RBM45: variants seen among roughly 807,000 people sequenced by gnomAD.
RBM45 encodes the protein RNA binding motif protein 45.
Under a neutral mutation model 58.5 loss-of-function variants are expected in RBM45, and 39 were observed. That is an observed-to-expected ratio of 0.67 (90% CI 0.52 to 0.87). The LOEUF is 0.87. Among genes scored for constraint, RBM45 ranks in the 40% least tolerant of loss-of-function variants. RBM45 has a pLI of 0.00. For missense variants in RBM45, 481 were observed against 581.6 expected, an observed-to-expected ratio of 0.83 and a Z score of 1.78; for synonymous variants, 193 against 203.0, an observed-to-expected ratio of 0.95 and a Z score of 0.42.
downstream of RBM45, among the ~76,000 whole-genome samples, chr2:178,130,289 G>A (rs908570003): frequency 6.6e-6 from 1 of 152,164 alleles, no homozygotes; most frequent in African/African-American, 2.4e-5. Flanking sequence ...AGGAGGCCAA[G>A]GTGGGAGGAT....
chr2:178,124,796 A>C (rs1381191165), intron 8 of RBM45, among the ~76,000 whole-genome samples: 1 of 152,176 alleles, frequency 6.6e-6, no homozygotes, highest in Non-Finnish European at 1.5e-5. Flanking sequence ...CCTGGGTGAC[A>C]GAGTGAGACC....
At chr2:178,132,976 G>A (rs2088016603), downstream of RBM45, among the ~76,000 whole-genome samples, 1 of 152,174 alleles carries the variant, frequency 6.6e-6, no homozygotes, top group South Asian at 2.1e-4. Context: ...CAGGTTTGGG[G>A]TGAGTTTTTG....
chr2:178,134,614 A>G (rs2088030499), downstream of RBM45, among the ~76,000 whole-genome samples: 1 of 151,950 alleles, frequency 6.6e-6, no homozygotes, highest in South Asian at 2.1e-4. Flanking sequence ...AATTAAAGTC[A>G]TCTACTTTAA....
chr2:178,128,299 C>T (rs2087961497), intron 9 of RBM45, among the ~76,000 whole-genome samples: 1 of 152,014 alleles, frequency 6.6e-6, no homozygotes, highest in South Asian at 2.1e-4. Context: ...TGCGACTGAC[C>T]CTCTTTGCCT....
intron 3 of RBM45, among the ~76,000 whole-genome samples, chr2:178,118,536 A>G (rs1054948994): frequency 2.6e-5 from 4 of 151,414 alleles, no homozygotes; most frequent in Non-Finnish European, 4.4e-5. Context: ...ATATTTGTTT[A>G]TATTTGATCT....
rs745941279 is a variant in RBM45 at position 178,124,232 on chromosome 2, CTTT to C, written c.1177_1179del (p.Phe393del). The C allele has an allele frequency of 6.2e-7, 1 of 1,606,092 alleles. No individual in the cohort carries two copies. The highest frequency in any genetic ancestry group is 8.5e-7 in the Non-Finnish European group (1 of 1,175,272). ...TGCTGAAACTCCTGTGAAAGAAAGA[CTTT>C]TTATTGTGTTTAATCCTCATCCTTT... On this transcript the variant is annotated inframe_deletion, in exon 8 of 10. Coordinates refer to ENST00000286070, the MANE Select transcript of RBM45 (RefSeq NM_152945.4).
At chr2:178,124,783 C>T (rs962174879) in intron 8 of RBM45, among the ~76,000 whole-genome samples, 13 of 152,170 alleles carry the variant, frequency 8.5e-5, no homozygotes, top group African/African-American at 2.9e-4. Context: ...TACTGTACTC[C>T]AGCCTGGGTG....
At chr2:178,138,285 A>G (rs558551344) in exon 4 of RBM45, 52 of 152,278 alleles carry the variant, frequency 3.4e-4, no homozygotes, top group African/African-American at 1.3e-3. Flanking sequence ...ATAAGTTAGG[A>G]TGAACAAAAA....
At chr2:178,127,324 T>G (rs1411989760) in intron 9 of RBM45, among the ~76,000 whole-genome samples, 2 of 152,232 alleles carry the variant, frequency 1.3e-5, no homozygotes, top group Non-Finnish European at 2.9e-5. Flanking sequence ...ATAGGTCAAA[T>G]GTAGTAGATG....
chr2:178,119,186 A>C (rs752127165), intron 3 of RBM45, among the ~76,000 whole-genome samples: 7 of 152,190 alleles, frequency 4.6e-5, no homozygotes, highest in Non-Finnish European at 1.0e-4. Flanking sequence ...CTCTCTATAA[A>C]AGTAAATGCC....
At chr2:178,116,138 TC>T in intron 1 of RBM45, 123 bp from the exon 2 acceptor site, 3 of 1,264,510 alleles carry the variant, frequency 2.4e-6, no homozygotes, top group Non-Finnish European at 2.1e-6. Flanking sequence ...CTTTTTTTTT[TC>T]TTTGAGACCC....
At chr2:178,132,248 A>G (rs533793711), downstream of RBM45, among the ~76,000 whole-genome samples, 7 of 152,324 alleles carry the variant, frequency 4.6e-5, no homozygotes, top group South Asian at 1.2e-3. Context: ...GTTCCAAACT[A>G]TGTTCCTTGA....
intron 8 of RBM45, 107 bp from the exon 9 acceptor site, chr2:178,125,877 G>A: frequency 1.3e-6 from 1 of 792,014 alleles, no homozygotes; most frequent in Non-Finnish European, 2.2e-6. Flanking sequence ...TTGGATGTTG[G>A]ATCTGGGGAG....
At chr2:178,134,285 CA>C (rs1280384432), downstream of RBM45, among the ~76,000 whole-genome samples, 1 of 152,090 alleles carries the variant, frequency 6.6e-6, no homozygotes, top group Non-Finnish European at 1.5e-5. Context: ...ATATGAGGTA[CA>C]AAACTCAAGA....
chr2:178,124,199 A>T lies in RBM45; in HGVS notation c.1141A>T (p.Lys381Ter), dbSNP rs755827939. The T allele has an allele frequency of 3.7e-6, 6 of 1,611,990 alleles. No homozygotes were observed. The highest frequency in any genetic ancestry group is 4.2e-6 in the Non-Finnish European group (5 of 1,179,358). Residue 381 changes from lysine (K) to a stop codon, truncating the protein, a stop_gained, in exon 8 of 10, where the codon AAA (lysine) becomes TAA (stop). Coordinates refer to ENST00000286070, the MANE Select transcript of RBM45 (RefSeq NM_152945.4). LOFTEE classifies it high-confidence loss of function. Reference sequence around the variant, plus strand: ...TGTTGTACTTCCATCATGCAAAAAAAAAGCTCCTGCTGAAACTCCTGTGAA... The same window carrying T: ...TGTTGTACTTCCATCATGCAAAAAATAAGCTCCTGCTGAAACTCCTGTGAA... Reference protein sequence around the residue: ...TDVVLPSCKKKAPAETPVKER... With the variant: ...TDVVLPSCKK
intron 8 of RBM45, among the ~76,000 whole-genome samples, chr2:178,125,486 G>T (rs1388562960): frequency 6.6e-6 from 1 of 152,150 alleles, no homozygotes; most frequent in Non-Finnish European, 1.5e-5. Flanking sequence ...AAAGCTGGGG[G>T]TATGCATGGT....
intron 8 of RBM45, among the ~76,000 whole-genome samples, chr2:178,124,708 G>A (rs1448639678): frequency 6.6e-6 from 1 of 152,118 alleles, no homozygotes; most frequent in East Asian, 1.9e-4. Flanking sequence ...CAGATACTTG[G>A]GAGGCTAAGG....
At chr2:178,134,034 A>C (rs2088025532), downstream of RBM45, 1 of 152,186 alleles carries the variant, frequency 6.6e-6, no homozygotes, top group Admixed American at 6.5e-5. Flanking sequence ...TGCAGCTCCC[A>C]CTATACTTTG....
chr2:178,117,450 G>A (rs2087791639), intron 2 of RBM45, among the ~76,000 whole-genome samples: 1 of 152,080 alleles, frequency 6.6e-6, no homozygotes, highest in South Asian at 2.1e-4. Flanking sequence ...ACTACTGCAT[G>A]TTTCTCAGAA....
Sources: allele counts gnomAD v4.1 joint callset (sites outside exome capture counted in the v4.1 genomes callset), GRCh38; gene constraint gnomAD v4.1.1; transcripts MANE v1.5; gene names NCBI Gene and HGNC (gene_info 2026-07-23, HGNC 2026-07-21).